Variants in XKR9 observed in about 807,000 individuals in gnomAD.
XKR9 encodes XK-related protein 9.
A neutral mutation model predicts 32.0 loss-of-function variants in XKR9; 32 were observed. The ratio of observed to expected loss-of-function variants is 1.00; its 90% CI spans 0.76 to 1.34. The LOEUF is 1.34. Ranked by LOEUF, XKR9 falls within the 40% of genes most tolerant of loss-of-function variation. The pLI is 0.00. For missense variants in XKR9, 546 were observed against 429.7 expected (o/e 1.27, Z -2.39); for synonymous variants, 168 against 143.4 (o/e 1.17, Z -1.22).
the XKR9 span, among the ~76,000 whole-genome samples, chr8:70,855,559 T>C: frequency 6.6e-6 from 1 of 152,220 alleles, no homozygotes; most frequent in Non-Finnish European, 1.5e-5. Context: ...CTCTGCAGGA[T>C]ATTATCCAGG....
At chr8:70,783,559 G>A (rs984932427) in intron 2 of XKR9, among the ~76,000 whole-genome samples, 1 of 151,862 alleles carries the variant, frequency 6.6e-6, no homozygotes, top group African/African-American at 2.4e-5. Flanking sequence ...TTGTTTTTTT[G>A]CTGAGTTTTA....
chr8:70,866,733 C>G, the XKR9 span, among the ~76,000 whole-genome samples: 3 of 151,798 alleles, frequency 2.0e-5, no homozygotes, highest in African/African-American at 4.8e-5. Flanking sequence ...TCATCACCCC[C>G]CTTGGCCTCC....
the XKR9 span, among the ~76,000 whole-genome samples, chr8:71,011,203 G>A: frequency 5.3e-5 from 8 of 152,058 alleles, no homozygotes; most frequent in African/African-American, 1.9e-4. Flanking sequence ...ATGATTTATA[G>A]GAGACAGTTT....
chr8:70,848,748 C>T, the XKR9 span, among the ~76,000 whole-genome samples: 10 of 133,664 alleles, frequency 7.5e-5, no homozygotes, highest in Non-Finnish European at 1.2e-4. Context: ...GAAGATTTAC[C>T]AGGCAAATGG....
intron 2 of XKR9, among the ~76,000 whole-genome samples, chr8:70,743,647 C>T (rs760308498): frequency 2.5e-4 from 38 of 152,254 alleles, no homozygotes; most frequent in Non-Finnish European, 4.7e-4. Context: ...AGTTCACGGT[C>T]AGCCTAAAAT....
At chr8:70,810,897 C>A in the XKR9 span, among the ~76,000 whole-genome samples, 6 of 152,126 alleles carry the variant, frequency 3.9e-5, no homozygotes, top group Non-Finnish European at 7.4e-5. Flanking sequence ...AGAAAGTTAA[C>A]AAGGATATCC....
intron 2 of XKR9, among the ~76,000 whole-genome samples, chr8:70,762,412 G>T (rs1312685742): frequency 6.6e-6 from 1 of 152,166 alleles, no homozygotes; most frequent in East Asian, 1.9e-4. Context: ...GGGCAAGTGA[G>T]CATTACCACC....
At chr8:70,933,196 C>T in the XKR9 span, among the ~76,000 whole-genome samples, 1 of 152,168 alleles carries the variant, frequency 6.6e-6, no homozygotes, top group African/African-American at 2.4e-5. Flanking sequence ...GGTGTGAATT[C>T]CAAGTTCTGA....
chr8:70,728,434 C>T (rs1217298737), intron 4 of XKR9, among the ~76,000 whole-genome samples: 1 of 152,138 alleles, frequency 6.6e-6, no homozygotes, highest in Non-Finnish European at 1.5e-5. Context: ...GCTTCCAAGG[C>T]TTGCATGTTA....
At chr8:71,003,300 G>GT in the XKR9 span, among the ~76,000 whole-genome samples, 2 of 133,560 alleles carry the variant, frequency 1.5e-5, no homozygotes, top group South Asian at 4.4e-4. Context: ...TTGCAAATGA[G>GT]TGGGGGGAAA....
At chr8:70,992,509 C>G in the XKR9 span, among the ~76,000 whole-genome samples, 5 of 152,268 alleles carry the variant, frequency 3.3e-5, no homozygotes, top group South Asian at 1.0e-3. Context: ...TGTACCAGTA[C>G]TTAAGCTATT....
the XKR9 span, among the ~76,000 whole-genome samples, chr8:70,865,755 A>G: frequency 2.0e-5 from 3 of 152,172 alleles, no homozygotes; most frequent in Non-Finnish European, 2.9e-5. Context: ...TGCATTCATC[A>G]TATTGAAACC....
intron 4 of XKR9, among the ~76,000 whole-genome samples, chr8:70,710,689 G>A (rs906689730): frequency 1.6e-4 from 24 of 149,556 alleles, no homozygotes; most frequent in Admixed American, 2.7e-4. Context: ...GGGTGACAGA[G>A]CGAGACTCCA....
the XKR9 span, among the ~76,000 whole-genome samples, chr8:71,042,867 G>A: frequency 5.9e-4 from 90 of 152,172 alleles, no homozygotes; most frequent in South Asian, 4.2e-4. Context: ...TGGTTATGCC[G>A]TTGCTTCCCT....
At position 70,681,251 on chromosome 8, in the gene XKR9, G is replaced by C. The variant is rs767127302; in HGVS notation, c.193G>C (p.Ala65Pro). 3 of 1,613,290 alleles carry C rather than the reference G, an allele frequency of 1.9e-6. No homozygotes were observed. Among genetic ancestry groups the C allele is most frequent in the Admixed American group, 3.3e-5 (2 of 59,966 alleles). The change falls in exon 3 of 5, where the codon GCT (alanine) becomes CCT (proline). Residue 65 changes from alanine (A) to proline (P), a missense_variant. Transcript: ENST00000408926. ...AQCFSYSWFK[A>P]DLKKAGQESQ... ...GTGTTTTAGTTATTCTTGGTTCAAG[G>C]CTGATTTAAAGAAAGCAGGCCAAGA...
chr8:70,918,790 T>TTC, the XKR9 span, among the ~76,000 whole-genome samples: 1 of 131,000 alleles, frequency 7.6e-6, no homozygotes, highest in East Asian at 2.1e-4. Flanking sequence ...TTTTTTTTTT[T>TTC]TTTTGGAGAT....
In XKR9 at chr8:70,755,352, G is replaced by A. The variant is rs565346647; in HGVS notation, n.353-33987G>A. Reference sequence around the variant, plus strand: ...CAACCATTGTGGAAGTCAGTGTGGCGATTCCTCAGGGATCTAGAACTAGAA... The same window carrying A: ...CAACCATTGTGGAAGTCAGTGTGGCAATTCCTCAGGGATCTAGAACTAGAA... On this transcript the variant is annotated intron_variant and non_coding_transcript_variant, in intron 2 of 3. Coordinates refer to the XKR9 transcript ENST00000520273. Among the ~76,000 whole-genome samples, 183 of 152,248 alleles carry A rather than the reference G, an allele frequency of 1.2e-3. 1 individual carries two copies. The highest frequency in any genetic ancestry group is 6.8e-3 in the Middle Eastern group (2 of 294).
At chr8:70,811,656 C>T in the XKR9 span, among the ~76,000 whole-genome samples, 1 of 152,232 alleles carries the variant, frequency 6.6e-6, no homozygotes, top group East Asian at 1.9e-4. Flanking sequence ...GAGAATACTA[C>T]AAACACCTCT....
At position 70,707,141 on chromosome 8, in the gene XKR9, A is replaced by C; in HGVS notation, c.481A>C (p.Asn161His). 2 of 1,612,648 alleles carry C rather than the reference A, an allele frequency of 1.2e-6. No individual in the cohort carries two copies. The highest frequency in any genetic ancestry group is 2.2e-5 in the South Asian group (2 of 90,948). The change falls in exon 4 of 5, where the codon AAT (asparagine) becomes CAT (histidine). Residue 161 changes from asparagine (N) to histidine (H), a missense_variant. By Grantham distance (68) the Asn-to-His change is moderately conservative. Transcript: ENST00000408926. Reference sequence around the variant, plus strand: ...CATTCTTCTGGAGCATGGACAAGCGAATTTCAGTCAGTGTAAGTTTTTCTT... The same window carrying C: ...CATTCTTCTGGAGCATGGACAAGCGCATTTCAGTCAGTGTAAGTTTTTCTT... ...LYILLEHGQANFSQYAAIMVS... is the reference protein window; with the variant it reads ...LYILLEHGQAHFSQYAAIMVS...
Sources: allele counts gnomAD v4.1 joint callset (sites outside exome capture counted in the v4.1 genomes callset), GRCh38; gene constraint gnomAD v4.1.1; transcripts MANE v1.5; gene names NCBI Gene and HGNC (gene_info 2026-07-23, HGNC 2026-07-21).